Variants in ABCC9 observed in about 807,000 individuals in gnomAD.
ABCC9 encodes ATP binding cassette subfamily C member 9.
In ABCC9, 95 loss-of-function variants were observed where a neutral mutation model predicts 188.3. The ratio of observed to expected loss-of-function variants is 0.50; its 90% CI spans 0.43 to 0.60. The LOEUF (loss-of-function observed/expected upper bound fraction) is 0.60. ABCC9 is among the 20% of genes least tolerant of loss of function. The pLI is 0.00. For synonymous variants in ABCC9, 659 were observed against 652.7 expected (o/e 1.01, Z -0.15); for missense variants, 1,102 against 1,876.3 (o/e 0.59, Z 7.62).
At chr12:21,827,335 C>T (rs1170155057) in intron 31 of ABCC9, 5 of 984,914 alleles carry the variant, frequency 5.1e-6, no homozygotes, top group African/African-American at 1.7e-5. Flanking sequence ...AAACAGGAGT[C>T]GGTCAGACTC....
intron 17 of ABCC9, 148 bp from the exon 18 acceptor site, chr12:21,872,878 C>T: frequency 1.7e-6 from 1 of 599,240 alleles, no homozygotes; most frequent in Non-Finnish European, 3.0e-6. Context: ...GCTCCTTTCT[C>T]TGATAAGTCT....
intron 8 of ABCC9, among the ~76,000 whole-genome samples, chr12:21,912,103 C>T (rs562698137): frequency 1.3e-5 from 2 of 152,026 alleles, no homozygotes; most frequent in South Asian, 2.1e-4. Context: ...GAAAAAGCTT[C>T]ACCGAAGAGG....
At chr12:21,923,767 T>C (rs778714078) in intron 5 of ABCC9, 9 of 688,808 alleles carry the variant, frequency 1.3e-5, no homozygotes, top group Non-Finnish European at 2.1e-5. Flanking sequence ...GATTTCACTC[T>C]TAGGTATTTA....
intron 24 of ABCC9, among the ~76,000 whole-genome samples, chr12:21,851,705 C>A (rs1944973914): frequency 6.6e-6 from 1 of 152,072 alleles, no homozygotes; most frequent in African/African-American, 2.4e-5. Context: ...TTTCCAATGA[C>A]CCTCTATTTG....
In ABCC9 at chr12:21,925,934, A is replaced by T. The variant is rs1379423390; in HGVS notation, c.406+8T>A. On this transcript the variant is annotated splice_region_variant and intron_variant, in intron 5 of 39. Coordinates refer to ENST00000261200, the MANE Select transcript of ABCC9 (RefSeq NM_020297.4). ...TTAAGGAGAAACAACAAAAGTGATC[A>T]TACTTACCTAAAAGTAATTTAGGAA... is the stretch of plus-strand genomic sequence containing the variant. 1 of 1,608,620 alleles carries T rather than the reference A, an allele frequency of 6.2e-7. No individual in the cohort carries two copies. Among genetic ancestry groups the T allele is most frequent in the East Asian group, 2.2e-5 (1 of 44,834 alleles).
chr12:21,937,351 C>A (rs1949528007), intron 2 of ABCC9, among the ~76,000 whole-genome samples: 2 of 152,142 alleles, frequency 1.3e-5, no homozygotes, highest in Non-Finnish European at 2.9e-5. Context: ...ACACTCTACG[C>A]AAGTTTGAAA....
chr12:21,918,007 A>C (rs999891334), intron 5 of ABCC9, among the ~76,000 whole-genome samples: 2 of 138,240 alleles, frequency 1.4e-5, no homozygotes, highest in African/African-American at 5.4e-5. Context: ...TTTAGCTTAA[A>C]TGTAGAGTCA....
At chr12:21,906,513 A>C (rs775981454) in intron 11 of ABCC9, among the ~76,000 whole-genome samples, 1 of 152,084 alleles carries the variant, frequency 6.6e-6, no homozygotes, top group Admixed American at 6.6e-5. Flanking sequence ...AAAAACATGT[A>C]TGTCTCTGTT....
intron 39 of ABCC9, chr12:21,805,352 A>C: frequency 1.3e-6 from 2 of 1,590,202 alleles, no homozygotes; most frequent in Non-Finnish European, 1.7e-6. Context: ...AGCAGAAGGA[A>C]AAATGTCCAA....
rs756079711 is a variant in ABCC9, at chr12:21,916,943, T to A, written c.567A>T (p.Arg189=). ...LLMAVEINVI[R]VRRYVFFMNP... is the part of the protein sequence containing the mutation. ...AAAGCCATTAGCTACCTACCCTGAC[T>A]CGAATGACATTGATCTCCACAGCCA... The change falls in exon 6 of 40, where the codon CGA becomes CGT. Residue 189 remains arginine (R), a synonymous_variant. Coordinates refer to ENST00000261200, the MANE Select transcript of ABCC9 (RefSeq NM_020297.4). 6.2e-7 allele frequency: 1 copy of A among 1,611,108 alleles called. No individual in the cohort carries two copies. The highest frequency in any genetic ancestry group is 1.1e-5 in the South Asian group (1 of 90,424).
chr12:21,929,182 C>G (rs1230291111), intron 4 of ABCC9, among the ~76,000 whole-genome samples: 4 of 151,836 alleles, frequency 2.6e-5, no homozygotes, highest in African/African-American at 4.8e-5. Context: ...AAAATTTTGT[C>G]TCCTACAAAG....
chr12:21,852,625 T>C (rs1945027597), intron 22 of ABCC9, 120 bp from the exon 23 acceptor site: 1 of 1,237,134 alleles, frequency 8.1e-7, no homozygotes, highest in Non-Finnish European at 1.1e-6. Context: ...TCTAATTTAT[T>C]TAAAAAAAGG....
chr12:21,931,283 C>G (rs1035943480), intron 4 of ABCC9, among the ~76,000 whole-genome samples: 12 of 152,008 alleles, frequency 7.9e-5, no homozygotes, highest in African/African-American at 1.2e-4. Context: ...ACTTCTCTCT[C>G]CTGCCACCAT....
At chr12:21,857,415 A>G (rs914460652) in intron 22 of ABCC9, among the ~76,000 whole-genome samples, 1 of 152,202 alleles carries the variant, frequency 6.6e-6, no homozygotes, top group African/African-American at 2.4e-5. Context: ...ATGAACAGAT[A>G]GTACTCAGAA....
chr12:21,936,686 T>C lies in ABCC9; in HGVS notation c.-12A>G. The C allele has an allele frequency of 6.2e-7, 1 of 1,601,704 alleles. No homozygotes were observed. On this transcript the variant is annotated 5_prime_UTR_variant, in exon 3 of 40. Transcript: ENST00000261200. ...AATGAAAGGCTCATTTCTTCTTATA[T>C]GGTTTACTCTAAAAGGGAGAGAAAT... is the stretch of plus-strand genomic sequence containing the variant.
chr12:21,843,860 G>A (rs866050522), intron 28 of ABCC9, among the ~76,000 whole-genome samples: 3 of 152,164 alleles, frequency 2.0e-5, no homozygotes, highest in South Asian at 2.1e-4. Context: ...TCGGTATTCC[G>A]AATGCTACTC....
intron 14 of ABCC9, among the ~76,000 whole-genome samples, chr12:21,888,727 T>A (rs961227551): frequency 6.6e-6 from 1 of 152,144 alleles, no homozygotes; most frequent in African/African-American, 2.4e-5. Context: ...TCATCTACTC[T>A]ACCCATTCTA....
chr12:21,927,741 A>G (rs913866336), intron 4 of ABCC9, among the ~76,000 whole-genome samples: 1 of 152,240 alleles, frequency 6.6e-6, no homozygotes, highest in South Asian at 2.1e-4. Flanking sequence ...GAACATGGTC[A>G]GTGATATAAT....
At chr12:21,907,424 C>A (rs916758191) in intron 11 of ABCC9, among the ~76,000 whole-genome samples, 2 of 152,030 alleles carry the variant, frequency 1.3e-5, no homozygotes, top group African/African-American at 4.8e-5. Context: ...TTACAGACAG[C>A]CTTGCTCATA....
Sources: allele counts gnomAD v4.1 joint callset (sites outside exome capture counted in the v4.1 genomes callset), GRCh38; gene constraint gnomAD v4.1.1; transcripts MANE v1.5; gene names NCBI Gene and HGNC (gene_info 2026-07-23, HGNC 2026-07-21).